Variants in KIF2A observed in about 807,000 individuals in gnomAD.
The protein encoded by KIF2A is kinesin family member 2A.
A neutral mutation model predicts 100.2 loss-of-function variants in KIF2A; 22 were observed. The ratio of observed to expected loss-of-function variants is 0.22; its 90% CI spans 0.16 to 0.31. The LOEUF is 0.31. Among genes scored for constraint, KIF2A ranks in the 10% least tolerant of loss-of-function variants. KIF2A has a pLI of 1.00. For missense variants in KIF2A, 495 were observed against 898.7 expected, an observed-to-expected ratio of 0.55 and a Z score of 5.74; for synonymous variants, 268 against 285.9, an observed-to-expected ratio of 0.94 and a Z score of 0.63.
chr5:62,382,076 T>C (rs1354038308), intron 20 of KIF2A, among the ~76,000 whole-genome samples: 1 of 149,252 alleles, frequency 6.7e-6, no homozygotes, highest in East Asian at 1.9e-4. Flanking sequence ...ACCATCTGGA[T>C]GTGTGTGTAC....
intron 1 of KIF2A, among the ~76,000 whole-genome samples, chr5:62,333,332 T>G (rs12659777): frequency 6.6e-6 from 1 of 151,980 alleles, no homozygotes; most frequent in Non-Finnish European, 1.5e-5. Context: ...CAAAACTGTT[T>G]GTGAGGCTGA....
chr5:62,390,527 G>C lies in KIF2A; in HGVS notation c.*4958G>C, dbSNP rs1280062933. On this transcript the variant is annotated 3_prime_UTR_variant, in exon 21 of 21. Coordinates refer to ENST00000407818, the MANE Select transcript of KIF2A (RefSeq NM_001098511.3). ...TGTATTATGATTTTTCTACCTTATG[G>C]ACTATTTTGGAGGGATAAGCTATTA... Among the ~76,000 whole-genome samples, 1 of 152,110 alleles carries C rather than the reference G, an allele frequency of 6.6e-6. No homozygotes were observed. The highest frequency in any genetic ancestry group is 1.5e-5 in the Non-Finnish European group (1 of 68,024).
At chr5:62,363,450 C>G (rs1580079032) in intron 13 of KIF2A, 130 bp downstream of exon 13, 1 of 852,020 alleles carries the variant, frequency 1.2e-6, no homozygotes, top group East Asian at 2.7e-5. Context: ...ACTTGTGTTA[C>G]ATGTAAATGT....
chr5:62,317,353 T>A (rs1222714040), intron 1 of KIF2A, among the ~76,000 whole-genome samples: 1 of 152,192 alleles, frequency 6.6e-6, no homozygotes, highest in Non-Finnish European at 1.5e-5. Flanking sequence ...CAGCCACCTA[T>A]AAGATTTTTA....
intron 1 of KIF2A, among the ~76,000 whole-genome samples, chr5:62,313,392 G>T (rs1745648398): frequency 6.6e-6 from 1 of 152,080 alleles, no homozygotes; most frequent in South Asian, 2.1e-4. Flanking sequence ...CGCTCTTGTT[G>T]CTCAGGCTGG....
At chr5:62,364,696 C>G (rs1234132699) in intron 14 of KIF2A, among the ~76,000 whole-genome samples, 1 of 152,192 alleles carries the variant, frequency 6.6e-6, no homozygotes, top group East Asian at 1.9e-4. Context: ...CTTTCAAACA[C>G]TAGTCATAGT....
rs562224771 is a variant in KIF2A at position 62,323,949 on chromosome 5, C to G, written c.64+17413C>G. ...CTCTGGTGGCTGAGGTGGGAGGATC[C>G]CTTGAGCCCCAGAGGTTGAGGCTGC... On this transcript the variant is annotated intron_variant, in intron 1 of 20. Transcript: ENST00000407818. Among the ~76,000 whole-genome samples, 8 of 151,974 alleles carry G rather than the reference C, an allele frequency of 5.3e-5. No homozygotes were observed. In the East Asian group the frequency reaches 1.2e-3, roughly 22 times the overall value.
At chr5:62,338,037 A>C (rs984290341) in intron 1 of KIF2A, among the ~76,000 whole-genome samples, 1 of 152,226 alleles carries the variant, frequency 6.6e-6, no homozygotes, top group Non-Finnish European at 1.5e-5. Flanking sequence ...GAGACTCTTA[A>C]AGAACAATAA....
chr5:62,327,336 C>T (rs1045337051), intron 1 of KIF2A, among the ~76,000 whole-genome samples: 12 of 152,118 alleles, frequency 7.9e-5, no homozygotes, highest in Non-Finnish European at 1.5e-4. Context: ...ATCACCCCAT[C>T]GCAGTGAAAT....
At chr5:62,317,473 T>G (rs1300074699) in intron 1 of KIF2A, among the ~76,000 whole-genome samples, 1 of 152,222 alleles carries the variant, frequency 6.6e-6, no homozygotes, top group Non-Finnish European at 1.5e-5. Flanking sequence ...CCTATATTGT[T>G]ATAATGAGGA....
intron 19 of KIF2A, among the ~76,000 whole-genome samples, chr5:62,380,240 G>T (rs1183800102): frequency 1.3e-5 from 2 of 152,106 alleles, no homozygotes; most frequent in African/African-American, 4.8e-5. Context: ...GTCCCTAATT[G>T]GATATGTTAG....
chr5:62,385,573 G>T lies in KIF2A; in HGVS notation c.*4G>T, dbSNP rs769776046. 1 of 1,576,316 alleles carries T rather than the reference G, an allele frequency of 6.3e-7. No individual in the cohort carries two copies. The highest frequency in any genetic ancestry group is 1.2e-5 in the South Asian group (1 of 86,174). ...GAAGAGACCCCGTGCCCTTTAAACC[G>T]GCATTTGCTGCTAAAGGATACCCAG... On this transcript the variant is annotated 3_prime_UTR_variant, in exon 21 of 21. Coordinates refer to ENST00000407818, the MANE Select transcript of KIF2A (RefSeq NM_001098511.3).
intron 1 of KIF2A, among the ~76,000 whole-genome samples, chr5:62,309,163 T>C (rs532244960): frequency 1.3e-5 from 2 of 152,214 alleles, no homozygotes; most frequent in East Asian, 3.8e-4. Context: ...TTTATTTAAA[T>C]TTATTGAACT....
chr5:62,347,042 A>T, intron 1 of KIF2A, 88 bp from the exon 2 acceptor site: 8 of 711,438 alleles, frequency 1.1e-5, no homozygotes, highest in South Asian at 1.9e-5. Flanking sequence ...TTTTTTTTTA[A>T]TTTCCAAGTT....
intron 1 of KIF2A, among the ~76,000 whole-genome samples, chr5:62,311,268 C>G (rs16890618): frequency 0.056 from 8,486 of 152,156 alleles, 323 homozygotes; most frequent in East Asian, 0.13. Flanking sequence ...CCGTATACCG[C>G]TTTTTACAGC....
intron 3 of KIF2A, among the ~76,000 whole-genome samples, chr5:62,348,461 G>C (rs1747684925): frequency 6.6e-6 from 1 of 152,144 alleles, no homozygotes; most frequent in Non-Finnish European, 1.5e-5. Context: ...GGTGTTTGTT[G>C]AATGAAGACA....
At chr5:62,383,855 C>T (rs141632426) in intron 20 of KIF2A, among the ~76,000 whole-genome samples, 7 of 152,120 alleles carry the variant, frequency 4.6e-5, no homozygotes, top group Non-Finnish European at 7.4e-5. Context: ...TCATGTGTAT[C>T]AAGCATATCC....
chr5:62,329,557 T>C (rs1170463566), intron 1 of KIF2A, among the ~76,000 whole-genome samples: 1 of 152,270 alleles, frequency 6.6e-6, no homozygotes, highest in Non-Finnish European at 1.5e-5. Context: ...TGACATTTAC[T>C]GTTAGATTAT....
At chr5:62,372,378 T>C (rs1741364270) in intron 16 of KIF2A, 60 bp from the exon 17 acceptor site, 2 of 799,082 alleles carry the variant, frequency 2.5e-6, no homozygotes, top group East Asian at 2.5e-5. Flanking sequence ...AAATGTGCAA[T>C]GTGCATTGCT....
Sources: allele counts gnomAD v4.1 joint callset (sites outside exome capture counted in the v4.1 genomes callset), GRCh38; gene constraint gnomAD v4.1.1; transcripts MANE v1.5; gene names NCBI Gene and HGNC (gene_info 2026-07-23, HGNC 2026-07-21).